MAMDC2: variants seen among roughly 807,000 people sequenced by gnomAD.
The protein encoded by MAMDC2 is MAM domain containing 2, also known as MAM domain-containing protein 2.
MAMDC2 carries 57 observed loss-of-function variants against 89.8 expected under a neutral mutation model. The ratio of observed to expected loss-of-function variants is 0.63; its 90% CI spans 0.51 to 0.79. MAMDC2 has a LOEUF of 0.79. Ranked by LOEUF, MAMDC2 falls within the 30% of genes least tolerant of loss-of-function variation. The pLI, the probability that MAMDC2 is intolerant of heterozygous loss-of-function variation, is 0.00. For synonymous variants in MAMDC2, 313 were observed against 293.4 expected, an observed-to-expected ratio of 1.07 and a Z score of -0.68; for missense variants, 800 against 820.6, an observed-to-expected ratio of 0.97 and a Z score of 0.31.
At chr9:70,049,597 G>T (rs1283919564) in intron 2 of MAMDC2, among the ~76,000 whole-genome samples, 1 of 152,134 alleles carries the variant, frequency 6.6e-6, no homozygotes, top group Admixed American at 6.5e-5. Flanking sequence ...GGGGCTACTT[G>T]GTCCTGCATT....
At chr9:70,184,224 C>T (rs901949071) in intron 11 of MAMDC2, among the ~76,000 whole-genome samples, 2 of 152,102 alleles carry the variant, frequency 1.3e-5, no homozygotes, top group Non-Finnish European at 2.9e-5. Context: ...TCTCTTCTGG[C>T]TTGTAGGGTT....
intron 2 of MAMDC2, among the ~76,000 whole-genome samples, chr9:70,095,432 G>C (rs913890303): frequency 1.2e-4 from 18 of 152,148 alleles, no homozygotes; most frequent in Non-Finnish European, 2.4e-4. Flanking sequence ...TGAAGGAATG[G>C]TTGACTTTGA....
intron 2 of MAMDC2, chr9:70,086,237 A>G (rs1234896437): frequency 1.4e-5 from 2 of 143,812 alleles, no homozygotes; most frequent in Non-Finnish European, 3.0e-5. Flanking sequence ...ATGATAATTT[A>G]TATTTTATAA....
chr9:70,064,197 G>A (rs1827213650), intron 2 of MAMDC2, among the ~76,000 whole-genome samples: 1 of 151,754 alleles, frequency 6.6e-6, no homozygotes, highest in African/African-American at 2.4e-5. Context: ...AGGTTATTGG[G>A]GAACAGGTGG....
chr9:70,045,726 T>A (rs1826733582), intron 2 of MAMDC2, among the ~76,000 whole-genome samples: 1 of 152,174 alleles, frequency 6.6e-6, no homozygotes, highest in Non-Finnish European at 1.5e-5. Flanking sequence ...TCTCTGACCC[T>A]CACAGGTAGG....
At chr9:70,134,402 A>T (rs2030928235) in intron 7 of MAMDC2, among the ~76,000 whole-genome samples, 1 of 149,924 alleles carries the variant, frequency 6.7e-6, no homozygotes, top group African/African-American at 2.5e-5. Flanking sequence ...AGTTTAGAAG[A>T]TGGGAGCAAG....
At chr9:70,051,333 C>G (rs1826888799) in intron 2 of MAMDC2, among the ~76,000 whole-genome samples, 1 of 152,198 alleles carries the variant, frequency 6.6e-6, no homozygotes, top group Non-Finnish European at 1.5e-5. Flanking sequence ...AAATCCTGGC[C>G]TGATCCCTAA....
Position 70,221,380 on chromosome 9 carries a change from T to TATAGAGAG in MAMDC2, c.1911+2785_1911+2786insTAGAGAGA. Among the ~76,000 whole-genome samples, 12 of 7,042 alleles carry TATAGAGAG rather than the reference T, an allele frequency of 1.7e-3. 1 individual carries two copies. The highest frequency in any genetic ancestry group is 2.8e-3 in the Admixed American group (1 of 354). The allele number at this position is 7,042 out of a possible 152,430, so 4.6% of individuals were successfully genotyped here. A position where few individuals can be genotyped will look rare whatever the true frequency, so the allele number is the denominator to read the frequency against. ...AAATATATATATATATATATATATA[T>TATAGAGAG]AGAGAGAGAGAGAGAGAGAGAGAGA... On this transcript the variant is annotated intron_variant, in intron 12 of 13. Transcript: ENST00000377182.
In MAMDC2 at chr9:70,193,999, A is replaced by G. The variant is rs2032931678; in HGVS notation, c.1651+23368A>G. On this transcript the variant is annotated intron_variant, in intron 11 of 13. Transcript: ENST00000377182. ...ATAAAAAGAGAAGCTCAGAAAAGTC[A>G]CACTATAAATATGTCAGTTTATTTT... 2.6e-5 allele frequency: 4 copies of G among 152,250 alleles called. No individual in the cohort carries two copies. The South Asian group carries it at 8.3e-4, about 32-fold the overall frequency. The allele number at this position is 152,250 out of a possible 1,614,324, so 9.4% of individuals were successfully genotyped here. A position where few individuals can be genotyped will look rare whatever the true frequency, so the allele number is the denominator to read the frequency against.
At chr9:70,165,159 TC>T (rs1162414731) in intron 9 of MAMDC2, among the ~76,000 whole-genome samples, 1 of 152,152 alleles carries the variant, frequency 6.6e-6, no homozygotes, top group African/African-American at 2.4e-5. Flanking sequence ...CTAATTCCCT[TC>T]TTGTTATGTT....
chr9:70,072,187 T>C (rs1457442442), intron 2 of MAMDC2, among the ~76,000 whole-genome samples: 1 of 152,198 alleles, frequency 6.6e-6, no homozygotes, highest in Non-Finnish European at 1.5e-5. Context: ...TCACCTAGTT[T>C]ATTTTGTTTT....
chr9:70,092,991 T>C (rs1827939409), intron 2 of MAMDC2, among the ~76,000 whole-genome samples: 1 of 152,152 alleles, frequency 6.6e-6, no homozygotes, highest in African/African-American at 2.4e-5. Flanking sequence ...TTATAATAGA[T>C]GTAAAATGCA....
chr9:70,170,665 A>C lies in MAMDC2; in HGVS notation c.1651+34A>C, dbSNP rs369647268. ...TGCCACGTGGTGCTGTTTCCTAAGG[A>C]AAGCTTCTAAAATAGCATTCTAGGA... On this transcript the variant is annotated intron_variant, in intron 11 of 13. Coordinates refer to ENST00000377182, the MANE Select transcript of MAMDC2 (RefSeq NM_153267.5). The C allele has an allele frequency of 9.2e-6, 14 of 1,529,184 alleles. No homozygotes were observed. In the African/African-American group the frequency reaches 1.4e-4, roughly 15 times the overall value. The allele number at this position is 1,529,184 out of a possible 1,614,324, so 94.7% of individuals were successfully genotyped here. A position where few individuals can be genotyped will look rare whatever the true frequency, so the allele number is the denominator to read the frequency against.
At chr9:70,135,751 G>C (rs2118384169) in intron 7 of MAMDC2, among the ~76,000 whole-genome samples, 1 of 152,260 alleles carries the variant, frequency 6.6e-6, no homozygotes, top group Non-Finnish European at 1.5e-5. Context: ...CCATAGTTTA[G>C]ATTAAGGTTC....
chr9:70,069,709 T>C (rs139719595), intron 2 of MAMDC2, among the ~76,000 whole-genome samples: 296 of 152,300 alleles, frequency 1.9e-3, no homozygotes, highest in African/African-American at 6.9e-3. Flanking sequence ...TATTTAGCAT[T>C]GGTCCCTATC....
At chr9:70,223,194 C>T (rs1286913453) in intron 12 of MAMDC2, among the ~76,000 whole-genome samples, 1 of 150,172 alleles carries the variant, frequency 6.7e-6, no homozygotes, top group Non-Finnish European at 1.5e-5. Context: ...TTTATGATGC[C>T]CATAGTAATT....
chr9:70,166,276 T>TAC (rs567995952), intron 9 of MAMDC2, among the ~76,000 whole-genome samples: 216 of 139,154 alleles, frequency 1.6e-3, no homozygotes, highest in South Asian at 0.011. Flanking sequence ...TATATATATA[T>TAC]ACACACACAC....
At chr9:70,191,753 G>A (rs769409676) in intron 11 of MAMDC2, among the ~76,000 whole-genome samples, 6 of 151,876 alleles carry the variant, frequency 4.0e-5, no homozygotes, top group Non-Finnish European at 7.4e-5. Context: ...ATATACTCTC[G>A]GATTTAACTA....
chr9:70,168,491 C>G (rs2032235078), intron 9 of MAMDC2: 3 of 472,396 alleles, frequency 6.4e-6, no homozygotes, highest in Non-Finnish European at 1.1e-5. Flanking sequence ...GACTCCATCT[C>G]AAAAATTAAC....
Sources: gnomAD v4.1 joint callset for allele counts (sites outside exome capture counted in the v4.1 genomes callset) on GRCh38, gnomAD v4.1.1 for gene constraint, MANE v1.5 for transcripts, NCBI Gene and HGNC (gene_info 2026-07-23, HGNC 2026-07-21) for gene names.